The following SEC16B variants were observed in gnomAD, a reference collection of about 807,000 sequenced individuals.
SEC16B encodes SEC16 homolog B, endoplasmic reticulum export factor, also known as protein transport protein Sec16B.
SEC16B carries 115 observed loss-of-function variants against 141.8 expected under a neutral mutation model. The observed-to-expected ratio is 0.81, with a 90% CI of 0.70 to 0.95. The LOEUF is 0.95. SEC16B is among the 40% of genes least tolerant of loss of function. The pLI is 0.00. For missense variants in SEC16B, 1,291 were observed against 1,312.3 expected (o/e 0.98, Z 0.25); for synonymous variants, 493 against 492.5 (o/e 1.00, Z -0.01).
At chr1:177,969,680 A>G (rs998324609) in intron 1 of SEC16B, among the ~76,000 whole-genome samples, 1 of 152,352 alleles carries the variant, frequency 6.6e-6, no homozygotes, top group Non-Finnish European at 1.5e-5. Flanking sequence ...CCAGCAAATC[A>G]GTCCTCAGAT....
At chr1:177,974,936 C>T (rs1195341274), upstream of SEC16B, among the ~76,000 whole-genome samples, 1 of 152,118 alleles carries the variant, frequency 6.6e-6, no homozygotes, top group African/African-American at 2.4e-5. Flanking sequence ...AGGAAGGGCA[C>T]CTGTTCCTCT....
Position 177,941,979 on chromosome 1 carries a change from T to C in SEC16B, c.1943A>G (p.His648Arg), listed in dbSNP as rs1651312041. 6.2e-7 allele frequency: 1 copy of C among 1,613,834 alleles called. No individual in the cohort carries two copies. Among genetic ancestry groups the C allele is most frequent in the Admixed American group, 1.7e-5 (1 of 60,000 alleles). Reference sequence around the variant, plus strand: ...AGCTGCACCAATGGCTTCGCAGTAATGCAAAGCCTGGGACACGAGGCCATA... The same window carrying C: ...AGCTGCACCAATGGCTTCGCAGTAACGCAAAGCCTGGGACACGAGGCCATA... ...ADYGLVSQAL[H>R]YCEAIGAAVL... The change falls in exon 16 of 26, where the codon CAT becomes CGT. Residue 648 changes from histidine (H) to arginine (R), a missense_variant. Transcript: ENST00000308284.
At chr1:177,959,490 A>C in intron 8 of SEC16B, 1 of 169,130 alleles carries the variant, frequency 5.9e-6, no homozygotes, top group South Asian at 1.5e-4. Flanking sequence ...TAGGCTTAGT[A>C]CCCCAGTGTT....
chr1:177,947,849 T>G lies in SEC16B; in HGVS notation c.1639A>C (p.Ile547Leu). The change falls in exon 13 of 26, where the codon ATT becomes CTT. Residue 547 changes from isoleucine to leucine, a missense_variant. Coordinates refer to ENST00000308284, the MANE Select transcript of SEC16B (RefSeq NM_033127.4). Reference sequence around the variant, plus strand: ...CCCAGGGTGTCCCCAATGGCAACAATCGCACGCTGATACAGCTCTGGGTCC... The same window carrying G: ...CCCAGGGTGTCCCCAATGGCAACAAGCGCACGCTGATACAGCTCTGGGTCC... Reference protein sequence around the residue: ...AGDPELYQRAIVAIGDTLAGK... With the variant: ...AGDPELYQRALVAIGDTLAGK... The G allele has an allele frequency of 1.3e-6, 2 of 1,556,368 alleles. No individual in the cohort carries two copies. The highest frequency in any genetic ancestry group is 1.7e-6 in the Non-Finnish European group (2 of 1,150,638).
At chr1:177,933,368 G>A (rs1236668525) in intron 21 of SEC16B, 56 bp from the exon 22 acceptor site, 1 of 1,557,924 alleles carries the variant, frequency 6.4e-7, no homozygotes, top group Non-Finnish European at 8.7e-7. Flanking sequence ...CCCCAACTAT[G>A]AGGTTAACCC....
At chr1:177,974,312 GAC>G (rs769266600), upstream of SEC16B, among the ~76,000 whole-genome samples, 6 of 152,278 alleles carry the variant, frequency 3.9e-5, no homozygotes, top group South Asian at 6.2e-4. Flanking sequence ...TGAAGCCACA[GAC>G]ACAGACAGGA....
At chr1:177,976,299 C>T (rs1034338890) in intron 1 of SEC16B, among the ~76,000 whole-genome samples, 21 of 152,172 alleles carry the variant, frequency 1.4e-4, no homozygotes, top group Non-Finnish European at 2.1e-4. Flanking sequence ...TCACCCCTCC[C>T]GTTTGATTGA....
chr1:177,932,149 A>G (rs1571303539), intron 24 of SEC16B, among the ~76,000 whole-genome samples: 2 of 152,226 alleles, frequency 1.3e-5, no homozygotes, highest in East Asian at 1.9e-4. Flanking sequence ...TGATGTCCCT[A>G]TAAGAGGAAG....
At chr1:177,982,129 C>T (rs1385900801) in intron 1 of SEC16B, among the ~76,000 whole-genome samples, 3 of 152,088 alleles carry the variant, frequency 2.0e-5, no homozygotes, top group African/African-American at 7.2e-5. Context: ...AGTAAGACAT[C>T]AAATTACATA....
At chr1:177,983,457 C>A (rs1654503334) in intron 1 of SEC16B, among the ~76,000 whole-genome samples, 1 of 151,844 alleles carries the variant, frequency 6.6e-6, no homozygotes, top group Admixed American at 6.6e-5. Flanking sequence ...TAACCGTACT[C>A]AGGTTAAGCC....
chr1:177,940,615 G>C lies in SEC16B; in HGVS notation c.2122C>G (p.Leu708Val). Residue 708 changes from leucine to valine, a missense_variant, in exon 17 of 26, where the codon CTG becomes GTG. Leu to Val is a conservative substitution (Grantham distance 32, BLOSUM62 1). Transcript: ENST00000308284. Reference protein sequence around the residue: ...PDWLAQLRRQLEQKVAGDIGD... With the variant: ...PDWLAQLRRQVEQKVAGDIGD... The stretch of plus-strand genomic sequence containing the variant: ...CTGGCTCCAATCCCACTCACCTCCA[G>C]CTGCCTCCGAAGTTGCGCTAGCCAA... 1 of 1,612,724 alleles carries C rather than the reference G, an allele frequency of 6.2e-7. No individual in the cohort carries two copies. Among genetic ancestry groups the C allele is most frequent in the Non-Finnish European group, 8.5e-7 (1 of 1,178,954 alleles).
At chr1:177,961,929 G>A (rs975897863) in intron 5 of SEC16B, among the ~76,000 whole-genome samples, 195 bp from the exon 6 acceptor site, 1 of 151,992 alleles carries the variant, frequency 6.6e-6, no homozygotes, top group Non-Finnish European at 1.5e-5. Flanking sequence ...TGGGGTCAGG[G>A]GCCCTTGAAT....
chr1:177,953,296 A>T (rs1293940666), intron 11 of SEC16B, among the ~76,000 whole-genome samples: 3 of 152,162 alleles, frequency 2.0e-5, no homozygotes, highest in Non-Finnish European at 4.4e-5. Context: ...ATGAGCCACC[A>T]CACCCAGTGG....
At chr1:177,975,118 G>A (rs572641538), upstream of SEC16B, among the ~76,000 whole-genome samples, 10 of 152,214 alleles carry the variant, frequency 6.6e-5, no homozygotes, top group Admixed American at 5.2e-4. Flanking sequence ...AATGGCCAGT[G>A]TGGAATATAG....
intron 12 of SEC16B, 151 bp downstream of exon 12, chr1:177,951,763 T>G: frequency 1.5e-6 from 1 of 668,766 alleles, no homozygotes; most frequent in South Asian, 1.8e-5. Context: ...ATCAAAGCAC[T>G]TAGCACAGGG....
At chr1:177,962,222 C>T (rs1177074328) in intron 5 of SEC16B, among the ~76,000 whole-genome samples, 1 of 151,980 alleles carries the variant, frequency 6.6e-6, no homozygotes, top group Non-Finnish European at 1.5e-5. Context: ...TACAGGCACG[C>T]CACCACGCCC....
chr1:177,966,017 C>A lies in SEC16B; in HGVS notation c.300-12G>T, dbSNP rs77128789. On this transcript the variant is annotated splice_polypyrimidine_tract_variant and intron_variant, in intron 2 of 25. Transcript: ENST00000308284. ...TCTCATAACCTGGCCTAAAATATCA[C>A]AAAGAAGACTGGTCAGTTGAGGACA... The A allele has an allele frequency of 2.5e-3, 3,739 of 1,495,658 alleles. 79 individuals are homozygous for A. In the African/African-American group the frequency reaches 0.045, roughly 18 times the overall value. 92.6% of individuals were successfully genotyped at this position (1,495,658 alleles called of 1,614,324 possible).
chr1:177,951,954 A>G lies in SEC16B; in HGVS notation c.1505T>C (p.Leu502Pro). 1 of 1,607,536 alleles carries G rather than the reference A, an allele frequency of 6.2e-7. No individual in the cohort carries two copies. Among genetic ancestry groups the G allele is most frequent in the Non-Finnish European group, 8.5e-7 (1 of 1,177,326 alleles). ...AATCCTCCCCGACATGAGCTGGAAG[A>G]GGGTCTGCAGTGGGTCATTGAGCGC... ...TLALNDPLQTLFQLMSGRIPQ... is the reference protein window; with the variant it reads ...TLALNDPLQTPFQLMSGRIPQ... The change falls in exon 12 of 26, where the codon CTC becomes CCC. Residue 502 changes from leucine to proline, a missense_variant. Physicochemically the swap from Leu to Pro is moderately conservative, Grantham distance 98 (BLOSUM62 -3). Around this residue, in one of 3 missense-constraint regions of SEC16B, gnomAD observed 681 missense variants for 675.5 expected, o/e 1.01. Transcript: ENST00000308284.
chr1:177,932,585 GCA>G lies in SEC16B; in HGVS notation c.2933-18_2933-17del, dbSNP rs1270195104. 6.5e-7 allele frequency: 1 copy of G among 1,546,888 alleles called. No individual in the cohort carries two copies. The highest frequency in any genetic ancestry group is 8.7e-7 in the Non-Finnish European group (1 of 1,146,768). ...TCACCCCCACCTGGAAAGTAATGAG[GCA>G]GAGCTGTTTCCTCTGCTCAGGACTG... is the stretch of plus-strand genomic sequence containing the variant. On this transcript the variant is annotated splice_polypyrimidine_tract_variant and intron_variant, in intron 23 of 25. Transcript: ENST00000308284.
Sources: allele counts gnomAD v4.1 joint callset (sites outside exome capture counted in the v4.1 genomes callset), GRCh38; gene constraint gnomAD v4.1.1; regional missense constraint gnomAD v4.1.1; transcripts MANE v1.5; gene names NCBI Gene and HGNC (gene_info 2026-07-23, HGNC 2026-07-21).